LRMDA: variants seen among roughly 807,000 people sequenced by gnomAD.
The protein encoded by LRMDA is leucine rich melanocyte differentiation associated.
In LRMDA, 18 loss-of-function variants were observed where a neutral mutation model predicts 29.8. The ratio of observed to expected loss-of-function variants is 0.60; its 90% CI spans 0.42 to 0.90. The LOEUF (loss-of-function observed/expected upper bound fraction) is 0.90, where lower values mean the gene tolerates loss of function less well. Among genes scored for constraint, LRMDA ranks in the 40% least tolerant of loss-of-function variants. LRMDA has a pLI of 0.00. For missense variants in LRMDA, 273 were observed against 273.9 expected, an observed-to-expected ratio of 1.00 and a Z score of 0.02; for synonymous variants, 125 against 109.4, an observed-to-expected ratio of 1.14 and a Z score of -0.89.
chr10:75,835,182 G>T (rs987690823), intron 2 of LRMDA, among the ~76,000 whole-genome samples: 3 of 152,154 alleles, frequency 2.0e-5, no homozygotes, highest in African/African-American at 7.2e-5. Context: ...CTAAAATTAA[G>T]GTGATGGGAA....
At chr10:75,633,418 C>T (rs988437584) in intron 2 of LRMDA, among the ~76,000 whole-genome samples, 6 of 152,174 alleles carry the variant, frequency 3.9e-5, no homozygotes, top group African/African-American at 7.2e-5. Flanking sequence ...TTTCTCCACT[C>T]CCTGTGTGGG....
At chr10:75,696,363 T>C (rs1842234619) in intron 2 of LRMDA, among the ~76,000 whole-genome samples, 1 of 152,202 alleles carries the variant, frequency 6.6e-6, no homozygotes, top group Non-Finnish European at 1.5e-5. Flanking sequence ...GAAAGAAAGC[T>C]CTGAAGGGTC....
Position 75,969,986 on chromosome 10 carries a change from G to A in LRMDA, c.132-66022G>A, listed in dbSNP as rs117181887. On this transcript the variant is annotated intron_variant, in intron 2 of 6. Coordinates refer to ENST00000611255, the MANE Select transcript of LRMDA (RefSeq NM_001305581.2). Reference sequence around the variant, plus strand: ...GAGATAGACCTCAAAGATTGTGCATGCTACCATGAGATTCAGGTTGAAAGA... The same window carrying A: ...GAGATAGACCTCAAAGATTGTGCATACTACCATGAGATTCAGGTTGAAAGA... Among the ~76,000 whole-genome samples, 646 of 152,338 alleles carry A rather than the reference G, an allele frequency of 4.2e-3. 1 individual carries two copies. Among genetic ancestry groups the A allele is most frequent in the Non-Finnish European group, 7.2e-3 (492 of 68,032 alleles).
chr10:76,311,942 CAG>C (rs1376598515), intron 5 of LRMDA, among the ~76,000 whole-genome samples: 1 of 152,182 alleles, frequency 6.6e-6, no homozygotes, highest in Non-Finnish European at 1.5e-5. Flanking sequence ...TTACACATAA[CAG>C]GGTATTGATG....
chr10:76,233,445 G>A (rs540206356), intron 5 of LRMDA, among the ~76,000 whole-genome samples: 26 of 152,200 alleles, frequency 1.7e-4, no homozygotes, highest in Non-Finnish European at 3.1e-4. Context: ...GGTTGTTGCT[G>A]AAGGTTGGGA....
chr10:75,779,327 C>T (rs1480616148), intron 2 of LRMDA, among the ~76,000 whole-genome samples: 1 of 152,172 alleles, frequency 6.6e-6, no homozygotes, highest in African/African-American at 2.4e-5. Context: ...CCACATTCTC[C>T]TCTGGGACCA....
intron 2 of LRMDA, among the ~76,000 whole-genome samples, chr10:75,694,310 G>A (rs1392960950): frequency 6.6e-6 from 1 of 152,148 alleles, no homozygotes; most frequent in African/African-American, 2.4e-5. Context: ...AATAGAAACA[G>A]ATCAAAATGT....
At chr10:75,901,376 C>T (rs538311681) in intron 2 of LRMDA, among the ~76,000 whole-genome samples, 7 of 152,032 alleles carry the variant, frequency 4.6e-5, no homozygotes, top group Non-Finnish European at 1.0e-4. Context: ...AACAATCCAT[C>T]CTGACTGTGA....
chr10:75,616,048 G>T (rs928530215), intron 2 of LRMDA, among the ~76,000 whole-genome samples: 4 of 152,142 alleles, frequency 2.6e-5, no homozygotes, highest in African/African-American at 9.7e-5. Context: ...ATTTATAAAG[G>T]AAAAGAGGCT....
intron 2 of LRMDA, among the ~76,000 whole-genome samples, chr10:75,539,305 C>T (rs1029471218): frequency 6.6e-6 from 1 of 152,150 alleles, no homozygotes; most frequent in South Asian, 2.1e-4. Flanking sequence ...ATTGATGGAA[C>T]ATTTTACACA....
At chr10:75,670,279 C>T (rs1841875191) in intron 2 of LRMDA, among the ~76,000 whole-genome samples, 1 of 152,186 alleles carries the variant, frequency 6.6e-6, no homozygotes, top group African/African-American at 2.4e-5. Context: ...TCTAAAGTGA[C>T]TTTGAAATGT....
intron 6 of LRMDA, among the ~76,000 whole-genome samples, chr10:76,451,965 T>G (rs932328601): frequency 6.6e-6 from 1 of 152,192 alleles, no homozygotes; most frequent in Non-Finnish European, 1.5e-5. Context: ...CCCGATGCTT[T>G]GTCTTTACCC....
At chr10:76,489,678 G>A (rs148754184) in intron 6 of LRMDA, among the ~76,000 whole-genome samples, 73 of 151,852 alleles carry the variant, frequency 4.8e-4, no homozygotes, top group African/African-American at 1.6e-3. Context: ...TGCTGTCATG[G>A]TATCTCCTAG....
At chr10:76,091,267 CATG>C (rs1849226353) in intron 5 of LRMDA, among the ~76,000 whole-genome samples, 3 of 149,092 alleles carry the variant, frequency 2.0e-5, no homozygotes, top group South Asian at 4.3e-4. Context: ...CTGAAATAAA[CATG>C]GTGGACGTGT....
chr10:76,291,927 C>T (rs894590598), intron 5 of LRMDA, among the ~76,000 whole-genome samples: 5 of 111,208 alleles, frequency 4.5e-5, no homozygotes, highest in African/African-American at 1.4e-4. Context: ...CACACACACA[C>T]ACGTGCACAC....
chr10:75,680,748 AC>A (rs940574183), intron 2 of LRMDA, among the ~76,000 whole-genome samples: 9 of 152,130 alleles, frequency 5.9e-5, no homozygotes, highest in Non-Finnish European at 1.3e-4. Context: ...GGTGGCCCAC[AC>A]CTGTAATCCC....
chr10:75,854,137 C>T (rs912686881), intron 2 of LRMDA, among the ~76,000 whole-genome samples: 1 of 152,080 alleles, frequency 6.6e-6, no homozygotes, highest in African/African-American at 2.4e-5. Context: ...TGTGGGAGTG[C>T]AGGAGGAGCT....
chr10:75,498,692 T>C (rs1845077267), intron 2 of LRMDA, among the ~76,000 whole-genome samples: 1 of 152,146 alleles, frequency 6.6e-6, no homozygotes, highest in Admixed American at 6.5e-5. Flanking sequence ...TGTGTGCTGC[T>C]TGACTAAGTG....
At chr10:76,056,473 T>C (rs923206722) in intron 4 of LRMDA, among the ~76,000 whole-genome samples, 5 of 152,194 alleles carry the variant, frequency 3.3e-5, no homozygotes, top group African/African-American at 1.2e-4. Flanking sequence ...ATCAACCTGC[T>C]GTCTATAGTG....
Sources: allele counts gnomAD v4.1 joint callset (sites outside exome capture counted in the v4.1 genomes callset), GRCh38; gene constraint gnomAD v4.1.1; transcripts MANE v1.5; gene names NCBI Gene and HGNC (gene_info 2026-07-23, HGNC 2026-07-21).